The following KCNQ3 variants were observed in gnomAD, a reference collection of about 807,000 sequenced individuals.
The protein encoded by KCNQ3 is potassium voltage-gated channel subfamily KQT member 3.
A neutral mutation model predicts 92.5 loss-of-function variants in KCNQ3; 30 were observed. The ratio of observed to expected loss-of-function variants is 0.32; its 90% CI spans 0.24 to 0.44. The LOEUF (loss-of-function observed/expected upper bound fraction) is 0.44. Ranked by LOEUF, KCNQ3 falls within the 20% of genes least tolerant of loss-of-function variation. KCNQ3 has a pLI of 1.00. For synonymous variants in KCNQ3, 450 were observed against 468.8 expected, an observed-to-expected ratio of 0.96 and a Z score of 0.52; for missense variants, 913 against 1,140.3, an observed-to-expected ratio of 0.80 and a Z score of 2.87.
chr8:132,292,255 T>C (rs1398047202), intron 1 of KCNQ3, among the ~76,000 whole-genome samples: 1 of 152,230 alleles, frequency 6.6e-6, no homozygotes, highest in Non-Finnish European at 1.5e-5. Context: ...AGGGTATTAA[T>C]AACTGATAAC....
intron 1 of KCNQ3, among the ~76,000 whole-genome samples, chr8:132,209,428 G>A (rs1412835688): frequency 1.3e-5 from 2 of 151,988 alleles, no homozygotes; most frequent in East Asian, 3.9e-4. Flanking sequence ...GGAAAAAAAT[G>A]TTTGTGTTTC....
chr8:132,305,787 T>G (rs1563850973), intron 1 of KCNQ3, among the ~76,000 whole-genome samples: 1 of 152,188 alleles, frequency 6.6e-6, no homozygotes, highest in African/African-American at 2.4e-5. Context: ...ATTGCTAGCT[T>G]CTGCCGCTTC....
intron 1 of KCNQ3, among the ~76,000 whole-genome samples, chr8:132,318,161 T>A (rs1207034852): frequency 6.6e-6 from 1 of 152,262 alleles, no homozygotes; most frequent in African/African-American, 2.4e-5. Flanking sequence ...AACCTATTTA[T>A]GAGGGAGTCT....
rs747188490 is a variant in KCNQ3 at position 132,180,310 on chromosome 8, G to A, written c.624C>T (p.Ala208=). 2.5e-6 allele frequency: 4 copies of A among 1,614,160 alleles called. No individual in the cohort carries two copies. In the Admixed American group the frequency reaches 6.7e-5, roughly 27 times the overall value. ...TTCCCACAGCAACCACTGGCACAGAGGCAATCAGCACAAAGATGTCTGGGA... is the reference window on the plus strand; with the variant it reads ...TTCCCACAGCAACCACTGGCACAGAAGCAATCAGCACAAAGATGTCTGGGA... ...LCMLDIFVLI[A]SVPVVAVGNQ... The change falls in exon 4 of 15, where the codon GCC becomes GCT. Residue 208 remains alanine (A), a synonymous_variant. Coordinates refer to ENST00000388996, the MANE Select transcript of KCNQ3 (RefSeq NM_004519.4).
intron 1 of KCNQ3, among the ~76,000 whole-genome samples, chr8:132,435,416 T>C (rs917629355): frequency 2.0e-5 from 3 of 152,146 alleles, no homozygotes; most frequent in African/African-American, 4.8e-5. Context: ...GCTAAGGAAC[T>C]AAAGCTCAGA....
At chr8:132,333,222 C>T (rs892720866) in intron 1 of KCNQ3, among the ~76,000 whole-genome samples, 17 of 152,150 alleles carry the variant, frequency 1.1e-4, no homozygotes, top group Non-Finnish European at 2.2e-4. Context: ...GCAGAGCAAG[C>T]CTTACCAACC....
intron 1 of KCNQ3, among the ~76,000 whole-genome samples, chr8:132,416,481 A>G (rs563488509): frequency 1.3e-5 from 2 of 152,260 alleles, no homozygotes; most frequent in African/African-American, 2.4e-5. Context: ...TTAGCCAGAC[A>G]TGATGGCGGG....
intron 9 of KCNQ3, among the ~76,000 whole-genome samples, chr8:132,147,446 G>A (rs954303042): frequency 2.0e-5 from 3 of 152,136 alleles, no homozygotes; most frequent in South Asian, 2.1e-4. Context: ...AAGACTGAGA[G>A]GCATCGTGTC....
At chr8:132,147,181 G>A (rs1345088636) in intron 9 of KCNQ3, among the ~76,000 whole-genome samples, 2 of 152,174 alleles carry the variant, frequency 1.3e-5, no homozygotes, top group Non-Finnish European at 2.9e-5. Flanking sequence ...AGTGGGTGGA[G>A]TAAGAAGACT....
intron 1 of KCNQ3, among the ~76,000 whole-genome samples, chr8:132,340,166 G>C (rs1266601714): frequency 6.6e-6 from 1 of 152,164 alleles, no homozygotes; most frequent in Non-Finnish European, 1.5e-5. Flanking sequence ...GTTGGTAGGA[G>C]TGTAAATTAG....
At chr8:132,149,367 G>C (rs1036534313) in intron 9 of KCNQ3, among the ~76,000 whole-genome samples, 2 of 152,170 alleles carry the variant, frequency 1.3e-5, no homozygotes, top group Non-Finnish European at 2.9e-5. Flanking sequence ...AACCCTTCTC[G>C]CTTTGCTGAG....
chr8:132,422,464 G>A lies in KCNQ3; in HGVS notation c.386+57683C>T, dbSNP rs546588095. 4.6e-5 allele frequency among the ~76,000 whole-genome samples: 7 copies of A among 152,244 alleles called. No homozygotes were observed. The South Asian group carries it at 1.2e-3, about 27-fold the overall frequency. ...TAAATCTAAACTCTCTATCCTGCAG[G>A]TGTGCCTCTGCAAACCCACCTGCTA... On this transcript the variant is annotated intron_variant, in intron 1 of 14. Coordinates refer to ENST00000388996, the MANE Select transcript of KCNQ3 (RefSeq NM_004519.4).
chr8:132,219,971 G>A (rs73356986), intron 1 of KCNQ3, among the ~76,000 whole-genome samples: 3,010 of 152,104 alleles, frequency 0.02, 106 homozygotes, highest in African/African-American at 0.069. Flanking sequence ...TAACTGTGGC[G>A]TGAGCATGAA....
intron 1 of KCNQ3, among the ~76,000 whole-genome samples, chr8:132,441,606 T>A (rs888151846): frequency 4.0e-5 from 5 of 125,412 alleles, no homozygotes; most frequent in South Asian, 5.4e-4. Flanking sequence ...AACAAACAAA[T>A]ATATATATAT....
chr8:132,176,319 A>G (rs1826551654), intron 4 of KCNQ3, among the ~76,000 whole-genome samples: 1 of 152,206 alleles, frequency 6.6e-6, no homozygotes, highest in South Asian at 2.1e-4. Context: ...TCAGGATGGT[A>G]TGGATGGAAA....
intron 1 of KCNQ3, among the ~76,000 whole-genome samples, chr8:132,386,117 T>C (rs1246840738): frequency 3.3e-5 from 5 of 152,144 alleles, no homozygotes; most frequent in African/African-American, 1.2e-4. Flanking sequence ...TTGATACACG[T>C]TCCTAAAAAA....
At position 132,132,096 on chromosome 8, in the gene KCNQ3, A is replaced by AG. The variant is rs201906358; in HGVS notation, c.1884+83_1884+84insC. On this transcript the variant is annotated intron_variant, in intron 14 of 14. Transcript: ENST00000388996. ...GAGTGAACCTTCGTCTTAAAAAAAA[A>AG]AAAGAAAGAAAGAAAAAAAAGAAAT... 3.6e-3 allele frequency: 3,667 copies of AG among 1,009,460 alleles called. 87 individuals are homozygous for AG. The African/African-American group carries it at 0.046, about 13-fold the overall frequency. 62.5% of individuals were successfully genotyped at this position (1,009,460 alleles called of 1,614,324 possible). A position where few individuals can be genotyped will look rare whatever the true frequency, so the allele number is the denominator to read the frequency against.
chr8:132,373,644 A>G lies in KCNQ3; in HGVS notation c.386+106503T>C, dbSNP rs1160347452. On this transcript the variant is annotated intron_variant, in intron 1 of 14. Transcript: ENST00000388996. ...ACAAAGTGAAAGTCCAGAGCCCCCA[A>G]GACCCAATGTCAATTCTGCCCCTGC... Among the ~76,000 whole-genome samples the G allele has an allele frequency of 2.6e-5, 4 of 152,262 alleles. No individual in the cohort carries two copies. In the East Asian group the frequency reaches 5.8e-4, roughly 22 times the overall value.
At chr8:132,317,530 G>T (rs886665663) in intron 1 of KCNQ3, among the ~76,000 whole-genome samples, 1 of 152,192 alleles carries the variant, frequency 6.6e-6, no homozygotes, top group Non-Finnish European at 1.5e-5. Context: ...CTGTGAAGGC[G>T]TCCAGTCACC....
Sources: gnomAD v4.1 joint callset for allele counts (sites outside exome capture counted in the v4.1 genomes callset) on GRCh38, gnomAD v4.1.1 for gene constraint, MANE v1.5 for transcripts, NCBI Gene and HGNC (gene_info 2026-07-23, HGNC 2026-07-21) for gene names.